SUN1: variants seen among roughly 807,000 people sequenced by gnomAD.
The protein encoded by SUN1 is Sad1 and UNC84 domain containing 1.
In SUN1, 61 loss-of-function variants were observed where a neutral mutation model predicts 103.2. That is an observed-to-expected ratio of 0.59 (90% CI 0.48 to 0.73). SUN1 has a LOEUF of 0.73. Ranked by LOEUF, SUN1 falls within the 30% of genes least tolerant of loss-of-function variation. The probability of loss-of-function intolerance (pLI) is 0.00; values close to 1 mark genes in which losing one functional copy is unlikely to be tolerated. For missense variants in SUN1, 1,052 were observed against 1,034.6 expected, an observed-to-expected ratio of 1.02 and a Z score of -0.23; for synonymous variants, 490 against 425.7, an observed-to-expected ratio of 1.15 and a Z score of -1.86.
At chr7:832,716 G>A in intron 1 of SUN1, 115 bp downstream of exon 1, 1 of 803,184 alleles carries the variant, frequency 1.2e-6, no homozygotes, top group Non-Finnish European at 2.0e-6. Context: ...GTATTTTGAA[G>A]GTGAAAAAAA....
chr7:833,348 TC>T (rs1799719419), intron 1 of SUN1: 1 of 150,654 alleles, frequency 6.6e-6, no homozygotes, highest in African/African-American at 2.5e-5. Flanking sequence ...AGTCTCACCG[TC>T]GCCCAGGCTA....
Position 872,899 on chromosome 7 carries a change from C to T in SUN1, c.2242-316C>T, listed in dbSNP as rs186623090. Reference sequence around the variant, plus strand: ...GTCAGGAGTTCGAGACCAGCCTGACCAACATGGCGAAACCCGGTCTCTACT... The same window carrying T: ...GTCAGGAGTTCGAGACCAGCCTGACTAACATGGCGAAACCCGGTCTCTACT... On this transcript the variant is annotated intron_variant, in intron 18 of 18. Coordinates refer to ENST00000401592, the MANE Select transcript of SUN1 (RefSeq NM_001130965.3). 2.4e-4 allele frequency among the ~76,000 whole-genome samples: 36 copies of T among 151,928 alleles called. No individual in the cohort carries two copies. The East Asian group carries it at 2.9e-3, about 12-fold the overall frequency.
chr7:843,813 G>T, intron 5 of SUN1: 1 of 1,412,252 alleles, frequency 7.1e-7, no homozygotes, highest in Non-Finnish European at 9.2e-7. Context: ...GTCACTTTCA[G>T]ATGCACACCT....
intron 2 of SUN1, chr7:841,727 C>T (rs1229576675): frequency 3.8e-6 from 2 of 521,756 alleles, no homozygotes; most frequent in East Asian, 7.1e-5. Flanking sequence ...AACCTGGAAA[C>T]TATTTTGTGT....
chr7:873,134 G>C lies in SUN1; in HGVS notation c.2242-81G>C, dbSNP rs556339844. The C allele has an allele frequency of 5.5e-6, 7 of 1,271,162 alleles. No individual in the cohort carries two copies. In the Admixed American group the frequency reaches 1.2e-4, roughly 22 times the overall value. 78.7% of individuals were successfully genotyped at this position (1,271,162 alleles called of 1,614,324 possible). A position where few individuals can be genotyped will look rare whatever the true frequency, so the allele number is the denominator to read the frequency against. On this transcript the variant is annotated intron_variant, in intron 18 of 18. Transcript: ENST00000401592. Reference sequence around the variant, plus strand: ...TTTCCAACTCAGCTGCTTCCTGTCAGACGTCATATTTGGGGAAGTGATTGG... The same window carrying C: ...TTTCCAACTCAGCTGCTTCCTGTCACACGTCATATTTGGGGAAGTGATTGG...
At chr7:867,659 A>G (rs1028131578) in intron 16 of SUN1, among the ~76,000 whole-genome samples, 1 of 152,272 alleles carries the variant, frequency 6.6e-6, no homozygotes, top group Middle Eastern at 3.4e-3. Context: ...ATCACCAATC[A>G]CTGTGCTGGG....
intron 5 of SUN1, chr7:849,758 T>C: frequency 1.8e-6 from 2 of 1,083,532 alleles, no homozygotes; most frequent in Non-Finnish European, 2.8e-6. Context: ...TAAGCCCTCA[T>C]CACAGAAGCT....
upstream of SUN1, among the ~76,000 whole-genome samples, chr7:831,714 G>C (rs929831827): frequency 5.9e-5 from 9 of 152,150 alleles, no homozygotes; most frequent in Non-Finnish European, 1.0e-4. Context: ...TTTTGGCTTG[G>C]TTTATGGAGC....
At chr7:849,948 C>A in intron 5 of SUN1, 1 of 1,600,328 alleles carries the variant, frequency 6.2e-7, no homozygotes, top group Non-Finnish European at 8.5e-7. Flanking sequence ...GCAAGAGGCA[C>A]CTCGACGCGC....
rs116306043 is a variant in SUN1 at position 844,060 on chromosome 7, C to T, written c.658+540C>T. On this transcript the variant is annotated intron_variant, in intron 5 of 18. Transcript: ENST00000401592. ...ACAGCAGCAGTCACTGCAGGAAACC[C>T]CCTGATGTGGACATGGGCTTCCCTC... Among the ~76,000 whole-genome samples, 872 of 152,336 alleles carry T rather than the reference C, an allele frequency of 5.7e-3. 14 individuals are homozygous for T. Among genetic ancestry groups the T allele is most frequent in the African/African-American group, 0.02 (839 of 41,578 alleles).
intron 5 of SUN1, among the ~76,000 whole-genome samples, chr7:845,548 AAAC>A (rs1047511268): frequency 5.3e-5 from 8 of 152,224 alleles, no homozygotes; most frequent in Admixed American, 3.3e-4. Context: ...CAGAAAAAAA[AAAC>A]ACACTTCCAG....
At chr7:852,714 A>G (rs1823409758) in intron 8 of SUN1, 47 bp downstream of exon 8, 13 of 1,613,984 alleles carry the variant, frequency 8.1e-6, no homozygotes, top group African/African-American at 2.7e-5. Context: ...AGCGGTACAC[A>G]CATATGTGTA....
At chr7:820,577 G>A (rs1784994377) in intron 1 of SUN1, among the ~76,000 whole-genome samples, 1 of 152,118 alleles carries the variant, frequency 6.6e-6, no homozygotes, top group South Asian at 2.1e-4. Flanking sequence ...TGATTGCTCT[G>A]GGGAGAACTT....
intron 16 of SUN1, 148 bp downstream of exon 16, chr7:866,215 C>T (rs550630796): frequency 1.3e-4 from 88 of 688,150 alleles, no homozygotes; most frequent in Admixed American, 3.0e-4. Context: ...GTTCCCACAC[C>T]GAGGAGTCCC....
intron 12 of SUN1, among the ~76,000 whole-genome samples, chr7:856,722 C>T (rs1221705496): frequency 6.6e-6 from 1 of 152,210 alleles, no homozygotes; most frequent in Non-Finnish European, 1.5e-5. Flanking sequence ...TAGGTCAAGG[C>T]CCATGTTGCA....
chr7:836,076 C>G (rs1042673467), intron 1 of SUN1, among the ~76,000 whole-genome samples: 1 of 152,238 alleles, frequency 6.6e-6, no homozygotes. Context: ...CCGAAACTAG[C>G]CGGCGCTGCA....
chr7:868,098 AGAG>A (rs1180856241), intron 16 of SUN1, among the ~76,000 whole-genome samples: 1 of 152,246 alleles, frequency 6.6e-6, no homozygotes, highest in African/African-American at 2.4e-5. Flanking sequence ...CAGCTGGCAT[AGAG>A]GAGAAGCCGG....
upstream of SUN1, among the ~76,000 whole-genome samples, chr7:830,122 T>G (rs1796569318): frequency 6.6e-6 from 1 of 151,406 alleles, no homozygotes. Flanking sequence ...AAGGAGGGAG[T>G]GAATGAGACT....
At position 856,353 on chromosome 7, in the gene SUN1, T is replaced by C. The variant is rs750281172; in HGVS notation, c.1351-5T>C. ...TTTCAGTAGACTATTTCTCATACTT[T>C]TTAGGCCATCCAGAAGGAACTAGAA... On this transcript the variant is annotated splice_polypyrimidine_tract_variant and splice_region_variant and intron_variant, in intron 11 of 18. Transcript: ENST00000401592. 6.2e-7 allele frequency: 1 copy of C among 1,613,932 alleles called. No homozygotes were observed. Among genetic ancestry groups the C allele is most frequent in the African/African-American group, 1.3e-5 (1 of 74,928 alleles).
Sources: gnomAD v4.1 joint callset for allele counts (sites outside exome capture counted in the v4.1 genomes callset) on GRCh38, gnomAD v4.1.1 for gene constraint, MANE v1.5 for transcripts, NCBI Gene and HGNC (gene_info 2026-07-23, HGNC 2026-07-21) for gene names.